PDE8B: variants seen among roughly 807,000 people sequenced by gnomAD.
PDE8B encodes the protein high affinity cAMP-specific and IBMX-insensitive 3',5'-cyclic phosphodiesterase 8B.
In PDE8B, 26 loss-of-function variants were observed where a neutral mutation model predicts 101.3. The ratio of observed to expected loss-of-function variants is 0.26; its 90% confidence interval spans 0.19 to 0.36. The LOEUF (loss-of-function observed/expected upper bound fraction) is 0.36. Ranked by LOEUF, PDE8B falls within the 10% of genes least tolerant of loss-of-function variation. PDE8B has a pLI of 1.00. For missense variants in PDE8B, 810 were observed against 1,163.1 expected, an observed-to-expected ratio of 0.70 and a Z score of 4.42; for synonymous variants, 424 against 429.3, an observed-to-expected ratio of 0.99 and a Z score of 0.15.
the PDE8B span, among the ~76,000 whole-genome samples, chr5:77,189,833 G>A: frequency 3.3e-5 from 5 of 152,182 alleles, no homozygotes; most frequent in African/African-American, 1.2e-4. Flanking sequence ...AGAATAGCCT[G>A]AGGGAAGCCA....
chr5:77,348,715 C>G (rs1193033416), intron 7 of PDE8B, among the ~76,000 whole-genome samples: 1 of 152,190 alleles, frequency 6.6e-6, no homozygotes, highest in Admixed American at 6.5e-5. Context: ...CAGGGTCTTG[C>G]TGTGTTGCCT....
chr5:77,126,650 C>G, the PDE8B span, among the ~76,000 whole-genome samples: 1 of 152,126 alleles, frequency 6.6e-6, no homozygotes, highest in African/African-American at 2.4e-5. Context: ...AACTCCTGAG[C>G]TCGAGCAATC....
chr5:77,406,280 A>T (rs189453625), intron 12 of PDE8B, among the ~76,000 whole-genome samples: 4 of 151,824 alleles, frequency 2.6e-5, no homozygotes, highest in Admixed American at 2.6e-4. Context: ...TCCATCTCAA[A>T]ATAAAAATAA....
intron 1 of PDE8B, among the ~76,000 whole-genome samples, chr5:77,235,216 G>A (rs908055436): frequency 6.6e-6 from 1 of 152,182 alleles, no homozygotes; most frequent in South Asian, 2.1e-4. Flanking sequence ...TGATTTGTGT[G>A]TGCGTGCACG....
chr5:77,228,060 G>A (rs1046100021), intron 1 of PDE8B, among the ~76,000 whole-genome samples: 1 of 152,108 alleles, frequency 6.6e-6, no homozygotes, highest in African/African-American at 2.4e-5. Context: ...TGTTGGCTAG[G>A]GCAGGGTCTT....
chr5:77,195,885 CTTG>C, the PDE8B span, among the ~76,000 whole-genome samples: 2 of 152,096 alleles, frequency 1.3e-5, no homozygotes, highest in African/African-American at 4.8e-5. Flanking sequence ...GAGAGGTGAT[CTTG>C]TTATCTTAGG....
the PDE8B span, among the ~76,000 whole-genome samples, chr5:77,169,119 G>C: frequency 6.6e-6 from 1 of 152,220 alleles, no homozygotes; most frequent in African/African-American, 2.4e-5. Context: ...AGGATATTTA[G>C]ACATGGGTGT....
the PDE8B span, chr5:77,142,224 A>G: frequency 8.5e-5 from 13 of 152,206 alleles, no homozygotes; most frequent in African/African-American, 2.4e-4. Flanking sequence ...CATTTTTTAT[A>G]AACAATCCTT....
intron 7 of PDE8B, 108 bp from the exon 8 acceptor site, chr5:77,349,311 G>T: frequency 6.9e-7 from 1 of 1,450,348 alleles, no homozygotes; most frequent in Admixed American, 1.7e-5. Flanking sequence ...GGAACTTCTT[G>T]CTTGATATTC....
chr5:77,175,937 G>A, the PDE8B span, among the ~76,000 whole-genome samples: 5 of 152,212 alleles, frequency 3.3e-5, no homozygotes, highest in East Asian at 9.6e-4. Flanking sequence ...AAGAAAGACT[G>A]GAAACCTGTT....
At chr5:77,133,928 G>C in the PDE8B span, among the ~76,000 whole-genome samples, 6 of 152,154 alleles carry the variant, frequency 3.9e-5, no homozygotes, top group Admixed American at 1.3e-4. Context: ...GTCCTGGAAG[G>C]TTCCACAGTT....
intron 10 of PDE8B, among the ~76,000 whole-genome samples, chr5:77,377,100 A>G (rs114426494): frequency 6.6e-6 from 1 of 152,118 alleles, no homozygotes; most frequent in African/African-American, 2.4e-5. Flanking sequence ...CTGACAGCAT[A>G]AAAGTGAGGA....
chr5:77,107,813 T>C, the PDE8B span, among the ~76,000 whole-genome samples: 1 of 152,242 alleles, frequency 6.6e-6, no homozygotes, highest in Non-Finnish European at 1.5e-5. Context: ...GTTTGATTAA[T>C]ATATATCTAA....
chr5:77,258,741 A>G (rs945803566), intron 1 of PDE8B, among the ~76,000 whole-genome samples: 1 of 151,982 alleles, frequency 6.6e-6, no homozygotes, highest in Non-Finnish European at 1.5e-5. Context: ...CTTAATCAAA[A>G]CTCCCATCTC....
intron 1 of PDE8B, among the ~76,000 whole-genome samples, chr5:77,217,720 A>G (rs1561361567): frequency 6.6e-6 from 1 of 152,006 alleles, no homozygotes; most frequent in African/African-American, 2.4e-5. Flanking sequence ...TATTTTCTGT[A>G]GAGATGGGGT....
chr5:77,402,455 A>T (rs1304016781), intron 11 of PDE8B, among the ~76,000 whole-genome samples: 1 of 152,172 alleles, frequency 6.6e-6, no homozygotes, highest in Admixed American at 6.5e-5. Context: ...AAAATAATTC[A>T]GTTTTAATTT....
chr5:77,352,305 A>G lies in PDE8B; in HGVS notation c.1107-1041A>G, dbSNP rs75438121. ...ACATTGTTTTTATCCTCATCCTTAT[A>G]CCATCTCCTCAGAAAATCAAAGCTA... On this transcript the variant is annotated intron_variant, in intron 9 of 21. Coordinates refer to ENST00000264917, the MANE Select transcript of PDE8B (RefSeq NM_003719.5). 5.1e-3 allele frequency among the ~76,000 whole-genome samples: 771 copies of G among 152,292 alleles called. 6 individuals carry two copies. Among genetic ancestry groups the G allele is most frequent in the African/African-American group, 0.018 (745 of 41,554 alleles).
chr5:77,273,019 A>T (rs189626326), intron 1 of PDE8B, among the ~76,000 whole-genome samples: 334 of 152,362 alleles, frequency 2.2e-3, no homozygotes, highest in Non-Finnish European at 4.0e-3. Flanking sequence ...AGAAGACAAG[A>T]CATGAATTTA....
chr5:77,422,053 CT>C (rs1796760743), intron 20 of PDE8B, 65 bp downstream of exon 20: 1 of 1,499,490 alleles, frequency 6.7e-7, no homozygotes, highest in East Asian at 2.3e-5. Context: ...CATGGAACTC[CT>C]GGGGGATTCT....
Sources: allele counts gnomAD v4.1 joint callset (sites outside exome capture counted in the v4.1 genomes callset), GRCh38; gene constraint gnomAD v4.1.1; transcripts MANE v1.5; gene names NCBI Gene and HGNC (gene_info 2026-07-23, HGNC 2026-07-21).